Variants in ZMYND11 observed in about 807,000 individuals in gnomAD.
ZMYND11 encodes zinc finger MYND-type containing 11.
A neutral mutation model predicts 84.9 loss-of-function variants in ZMYND11; 9 were observed. The ratio of observed to expected loss-of-function variants is 0.11; its 90% confidence interval spans 0.06 to 0.18. ZMYND11 has a LOEUF of 0.18. Among genes scored for constraint, ZMYND11 ranks in the 10% least tolerant of loss-of-function variants. The probability of loss-of-function intolerance (pLI) is 1.00; values close to 1 mark genes in which losing one functional copy is unlikely to be tolerated. For synonymous variants in ZMYND11, 250 were observed against 244.1 expected, an observed-to-expected ratio of 1.02 and a Z score of -0.23; for missense variants, 409 against 761.0, an observed-to-expected ratio of 0.54 and a Z score of 5.44.
At chr10:236,653 T>C (rs1487816830) in intron 4 of ZMYND11, among the ~76,000 whole-genome samples, 185 bp from the exon 5 acceptor site, 2 of 152,250 alleles carry the variant, frequency 1.3e-5, no homozygotes, top group Non-Finnish European at 2.9e-5. Context: ...AGTTCTCACC[T>C]TGTTACATTA....
chr10:140,963 T>A (rs924178792), intron 1 of ZMYND11, among the ~76,000 whole-genome samples: 1 of 152,224 alleles, frequency 6.6e-6, no homozygotes, highest in Non-Finnish European at 1.5e-5. Flanking sequence ...TACTACTGTA[T>A]CAGAGTTTTA....
chr10:250,534 A>G (rs921039023), intron 14 of ZMYND11, among the ~76,000 whole-genome samples: 40 of 151,930 alleles, frequency 2.6e-4, no homozygotes, highest in African/African-American at 9.4e-4. Context: ...TAAGTTTACT[A>G]AAGAATCAAG....
At chr10:230,536 T>TG (rs1017403983) in intron 4 of ZMYND11, among the ~76,000 whole-genome samples, 6 of 142,172 alleles carry the variant, frequency 4.2e-5, no homozygotes, top group African/African-American at 7.8e-5. Flanking sequence ...AGACAGGCTC[T>TG]GGGGGGTAAG....
At chr10:223,839 G>A (rs998596584) in intron 4 of ZMYND11, among the ~76,000 whole-genome samples, 8 of 152,014 alleles carry the variant, frequency 5.3e-5, no homozygotes, top group African/African-American at 9.7e-5. Context: ...GAGTAAAGCC[G>A]TTTTTTAGGA....
intron 2 of ZMYND11, among the ~76,000 whole-genome samples, chr10:196,228 C>T (rs964049381): frequency 2.0e-5 from 3 of 152,176 alleles, no homozygotes; most frequent in Non-Finnish European, 2.9e-5. Flanking sequence ...ATGGAAGTTA[C>T]ATTATTGACA....
intron 3 of ZMYND11, among the ~76,000 whole-genome samples, chr10:216,058 T>C (rs1946150960): frequency 6.6e-6 from 1 of 152,222 alleles, no homozygotes; most frequent in East Asian, 1.9e-4. Flanking sequence ...CATCTGTTCC[T>C]CCCACCTCAA....
chr10:242,316 G>C (rs1171812755), intron 10 of ZMYND11, among the ~76,000 whole-genome samples, 177 bp downstream of exon 10: 1 of 151,966 alleles, frequency 6.6e-6, no homozygotes, highest in Non-Finnish European at 1.5e-5. Context: ...TTCAGATATT[G>C]TGTACTAAAC....
chr10:199,306 TCTTC>T lies in ZMYND11; in HGVS notation c.117-10580_117-10577del, dbSNP rs1183775735. ...CCCTCCCTCCCTCACTCCCTCCCTCTCTTCCTCCCTCCCTCCCTCCCTCTCTCCC... is the reference window on the plus strand; with the variant it reads ...CCCTCCCTCCCTCACTCCCTCCCTCTCTCCCTCCCTCCCTCCCTCTCTCCC... On this transcript the variant is annotated intron_variant, in intron 2 of 14. Transcript: ENST00000381604. 1.2e-3 allele frequency among the ~76,000 whole-genome samples: 16 copies of T among 13,332 alleles called. No individual in the cohort carries two copies. In the Admixed American group the frequency reaches 0.016, roughly 13 times the overall value. 8.7% of individuals were successfully genotyped at this position (13,332 alleles called of 152,430 possible). A position where few individuals can be genotyped will look rare whatever the true frequency, so the allele number is the denominator to read the frequency against.
At chr10:228,630 GA>G (rs1198523616) in intron 4 of ZMYND11, among the ~76,000 whole-genome samples, 7 of 152,226 alleles carry the variant, frequency 4.6e-5, no homozygotes, top group African/African-American at 1.7e-4. Context: ...GCCTCGACCT[GA>G]AGACAGACAC....
At chr10:227,750 T>G (rs1948372202) in intron 4 of ZMYND11, among the ~76,000 whole-genome samples, 1 of 152,234 alleles carries the variant, frequency 6.6e-6, no homozygotes, top group Non-Finnish European at 1.5e-5. Flanking sequence ...TATGTATCTA[T>G]GAAGCTATAA....
intron 2 of ZMYND11, among the ~76,000 whole-genome samples, chr10:191,190 T>C (rs1366478031): frequency 6.6e-6 from 1 of 152,220 alleles, no homozygotes; most frequent in Non-Finnish European, 1.5e-5. Context: ...AGTTATGTTG[T>C]GATGAGTCCC....
chr10:167,501 A>G (rs1357340279), intron 1 of ZMYND11, among the ~76,000 whole-genome samples: 1 of 152,202 alleles, frequency 6.6e-6, no homozygotes. Flanking sequence ...AAAGGTGAAT[A>G]GAGAGTTCAT....
In ZMYND11 at chr10:155,547, C is replaced by T. The variant is rs372996449; in HGVS notation, c.-20+19988C>T. Among the ~76,000 whole-genome samples the T allele has an allele frequency of 2.5e-4, 38 of 152,136 alleles. 1 individual carries two copies. The highest frequency in any genetic ancestry group is 1.7e-3 in the East Asian group (9 of 5,172). On this transcript the variant is annotated intron_variant, in intron 1 of 14. Transcript: ENST00000381604. ...TTTTGAAGAATCATTAAGAAAATCG[C>T]GAACAATACAGTGGGAACACAAGTG... is the stretch of plus-strand genomic sequence containing the variant.
chr10:185,043 T>C (rs1474996258), intron 2 of ZMYND11, among the ~76,000 whole-genome samples: 5 of 152,308 alleles, frequency 3.3e-5, no homozygotes, highest in African/African-American at 1.2e-4. Flanking sequence ...TTTTGAGTGT[T>C]TGTAGGCCCC....
chr10:240,088 C>A lies in ZMYND11; in HGVS notation c.730C>A (p.Leu244Ile). 6.2e-7 allele frequency: 1 copy of A among 1,611,780 alleles called. No individual in the cohort carries two copies. The highest frequency in any genetic ancestry group is 1.1e-5 in the South Asian group (1 of 90,558). Residue 244 changes from leucine (L) to isoleucine (I), a missense_variant, in exon 8 of 15, where the codon CTA becomes ATA. Leu to Ile is a conservative substitution (Grantham distance 5). This residue lies in a region of ZMYND11 where 59 missense variants were observed against 151.0 expected (regional missense o/e 0.39). Transcript: ENST00000381604. ...DSEQADIARMLYKDTCHELDE... is the reference protein window; with the variant it reads ...DSEQADIARMIYKDTCHELDE... ...TGAGCAAGCTGACATTGCGAGGATG[C>A]TATATAAAGACACATGTCATGAGGT...
At chr10:211,629 A>T (rs1275867784) in intron 3 of ZMYND11, among the ~76,000 whole-genome samples, 3 of 152,222 alleles carry the variant, frequency 2.0e-5, no homozygotes, top group Non-Finnish European at 4.4e-5. Context: ...TGTCAATTTA[A>T]TCTGCACCTT....
chr10:153,763 A>G (rs1840983239), intron 1 of ZMYND11, among the ~76,000 whole-genome samples: 1 of 152,208 alleles, frequency 6.6e-6, no homozygotes, highest in Non-Finnish European at 1.5e-5. Context: ...TTTATAAACC[A>G]AAGTGCCATT....
intron 2 of ZMYND11, among the ~76,000 whole-genome samples, chr10:185,837 CAAAAA>C (rs1190356934): frequency 5.2e-5 from 7 of 135,212 alleles, no homozygotes; most frequent in African/African-American, 1.9e-4. Context: ...AACAAAAAAA[CAAAAA>C]AAAAGACGGT....
intron 8 of ZMYND11, 70 bp downstream of exon 8, chr10:240,181 TATCTAC>T: frequency 3.1e-6 from 4 of 1,299,884 alleles, no homozygotes; most frequent in Non-Finnish European, 4.3e-6. Flanking sequence ...ATTCCACTCT[TATCTAC>T]ATTTTAGTTG....
Sources: gnomAD v4.1 joint callset for allele counts (sites outside exome capture counted in the v4.1 genomes callset) on GRCh38, gnomAD v4.1.1 for gene constraint, gnomAD v4.1.1 regional missense constraint, MANE v1.5 for transcripts, NCBI Gene and HGNC (gene_info 2026-07-23, HGNC 2026-07-21) for gene names.